Variants in BCO1 observed in about 807,000 individuals in gnomAD.
BCO1 encodes the protein beta-carotene oxygenase 1.
Under a neutral mutation model 56.3 loss-of-function variants are expected in BCO1, and 54 were observed. The ratio of observed to expected loss-of-function variants is 0.96; its 90% confidence interval spans 0.77 to 1.20. BCO1 has a LOEUF of 1.20. Among genes scored for constraint, BCO1 ranks in the 50% most tolerant of loss-of-function variants. BCO1 has a pLI of 0.00. For missense variants in BCO1, 801 were observed against 690.9 expected (o/e 1.16, Z -1.79); for synonymous variants, 318 against 266.1 (o/e 1.20, Z -1.90).
intron 4 of BCO1, chr16:81,263,908 C>G (rs991555191): frequency 2.0e-5 from 3 of 152,780 alleles, no homozygotes; most frequent in Non-Finnish European, 2.9e-5. Flanking sequence ...TAGACGGCAT[C>G]GGTCCAACTG....
chr16:81,262,070 C>G, intron 3 of BCO1, 66 bp from the exon 4 acceptor site: 1 of 1,573,820 alleles, frequency 6.4e-7, no homozygotes, highest in Non-Finnish European at 8.7e-7. Context: ...CTAAAGCCAT[C>G]AAGGATAGAC....
Position 81,270,249 on chromosome 16 carries a change from G to A in BCO1, c.934G>A (p.Ala312Thr), listed in dbSNP as rs770074943. The change falls in exon 7 of 11, where the codon GCC (alanine) becomes ACC (threonine). Residue 312 changes from alanine to threonine, a missense_variant. Physicochemically the swap from Ala to Thr is moderately conservative, Grantham distance 58. Transcript: ENST00000258168. ...DAMVVFHHVN[A>T]YEEDGCIVFD... ...CATGGTGGTCTTCCATCACGTCAAC[G>A]CCTACGAAGAGGACGGCTGCATCGT... 5 of 1,614,022 alleles carry A rather than the reference G, an allele frequency of 3.1e-6. No homozygotes were observed. Among genetic ancestry groups the A allele is most frequent in the Non-Finnish European group, 3.4e-6 (4 of 1,180,040 alleles).
intron 2 of BCO1, among the ~76,000 whole-genome samples, chr16:81,247,791 G>T (rs1905512827): frequency 6.6e-6 from 1 of 151,992 alleles, no homozygotes; most frequent in African/African-American, 2.4e-5. Flanking sequence ...CTCCCAAAGT[G>T]CTGGGGTTAC....
At chr16:81,287,488 GACC>G in intron 10 of BCO1, 82 bp downstream of exon 10, 1 of 1,087,514 alleles carries the variant, frequency 9.2e-7, no homozygotes, top group Non-Finnish European at 1.4e-6. Context: ...GGGGGCAGCT[GACC>G]CCCCCAGGTC....
intron 2 of BCO1, among the ~76,000 whole-genome samples, chr16:81,250,578 CTT>C (rs530676028): frequency 4.4e-4 from 46 of 105,462 alleles, no homozygotes; most frequent in African/African-American, 1.0e-3. Context: ...CTCAATAAAG[CTT>C]TTTTTTTTTT....
At chr16:81,284,842 T>A (rs1908084970) in intron 8 of BCO1, among the ~76,000 whole-genome samples, 1 of 149,958 alleles carries the variant, frequency 6.7e-6, no homozygotes, top group Non-Finnish European at 1.5e-5. Flanking sequence ...TTCTTTTCTT[T>A]TTTTTTTTTT....
At chr16:81,280,343 AC>A (rs1313816482) in intron 7 of BCO1, among the ~76,000 whole-genome samples, 2 of 147,590 alleles carry the variant, frequency 1.4e-5, no homozygotes, top group Non-Finnish European at 3.0e-5. Context: ...ACACACACAC[AC>A]ACACACATTT....
chr16:81,270,164 T>C lies in BCO1; in HGVS notation c.849T>C (p.Tyr283=), dbSNP rs1463295028. 2 of 1,614,146 alleles carry C rather than the reference T, an allele frequency of 1.2e-6. No individual in the cohort carries two copies. Among genetic ancestry groups the C allele is most frequent in the Non-Finnish European group, 1.7e-6 (2 of 1,180,032 alleles). ...TGATATGTGTCCTTTTTCAGACTTA[T>C]ATCCACATCATCGACCAAAGGACCA... ...CLAFHREEKT[Y]IHIIDQRTRQ... is the part of the protein sequence containing the mutation. Residue 283 remains tyrosine (Y), a synonymous_variant, in exon 7 of 11, where the codon TAT becomes TAC. Coordinates refer to ENST00000258168, the MANE Select transcript of BCO1 (RefSeq NM_017429.3).
chr16:81,263,085 G>C (rs978368258), intron 4 of BCO1: 4 of 150,814 alleles, frequency 2.7e-5, no homozygotes, highest in African/African-American at 9.8e-5. Flanking sequence ...CTCCTTATGG[G>C]GCTATGTGTC....
chr16:81,248,705 C>A (rs547032787), intron 2 of BCO1, among the ~76,000 whole-genome samples: 1 of 152,032 alleles, frequency 6.6e-6, no homozygotes, highest in Non-Finnish European at 1.5e-5. Context: ...GGATGAGGAA[C>A]ATAGAAGGTA....
chr16:81,268,185 GC>G, intron 6 of BCO1, 54 bp downstream of exon 6: 2 of 1,525,094 alleles, frequency 1.3e-6, no homozygotes, highest in Non-Finnish European at 1.8e-6. Context: ...ATGGAGGGAG[GC>G]TGGTGTGCAG....
At position 81,281,782 on chromosome 16, in the gene BCO1, G is replaced by A. The variant is rs538183165; in HGVS notation, c.1207+820G>A. On this transcript the variant is annotated intron_variant, in intron 8 of 10. Coordinates refer to ENST00000258168, the MANE Select transcript of BCO1 (RefSeq NM_017429.3). ...GGTGCTGTCCAGGGAATTGTAAGAT[G>A]TTTAGCCACATCCCTGGCCTCTACC... is the stretch of plus-strand genomic sequence containing the variant. 1.1e-4 allele frequency among the ~76,000 whole-genome samples: 16 copies of A among 152,312 alleles called. No individual in the cohort carries two copies. In the South Asian group the frequency reaches 1.9e-3, roughly 18 times the overall value.
intron 2 of BCO1, among the ~76,000 whole-genome samples, chr16:81,254,481 T>G (rs538806867): frequency 6.2e-4 from 94 of 151,296 alleles, no homozygotes; most frequent in African/African-American, 2.1e-3. Flanking sequence ...AAGGGCTTCC[T>G]ACATTGCCCA....
At chr16:81,250,506 G>T (rs139635900) in intron 2 of BCO1, among the ~76,000 whole-genome samples, 12 of 151,982 alleles carry the variant, frequency 7.9e-5, no homozygotes, top group Middle Eastern at 3.4e-3. Flanking sequence ...GGGAAGTTGG[G>T]GTCCCTGATA....
rs920475663 is a variant in BCO1 at position 81,270,300 on chromosome 16, A to C, written c.985A>C (p.Asn329His). ...GTTTGACGTCATTGCCTACGAGGAC[A>C]ACAGCCTCTACCAGCTCTTCTACCT... ...IVFDVIAYED[N>H]SLYQLFYLAN... Residue 329 changes from asparagine to histidine, a missense_variant, in exon 7 of 11, where the codon AAC (asparagine) becomes CAC (histidine). Physicochemically the swap from Asn to His is moderately conservative, Grantham distance 68. Transcript: ENST00000258168. 11 of 1,614,042 alleles carry C rather than the reference A, an allele frequency of 6.8e-6. No individual in the cohort carries two copies. The African/African-American group carries it at 1.3e-4, about 20-fold the overall frequency.
chr16:81,266,845 T>A (rs575882350), intron 5 of BCO1, among the ~76,000 whole-genome samples: 1 of 152,200 alleles, frequency 6.6e-6, no homozygotes, highest in Non-Finnish European at 1.5e-5. Flanking sequence ...GCTTTTCGTT[T>A]CAGTTTGCAT....
At chr16:81,242,896 G>A (rs1396099457) in intron 1 of BCO1, among the ~76,000 whole-genome samples, 1 of 152,092 alleles carries the variant, frequency 6.6e-6, no homozygotes, top group Non-Finnish European at 1.5e-5. Flanking sequence ...GTCGTGAACT[G>A]CACATAGGAG....
chr16:81,255,143 C>T (rs1446028713), intron 2 of BCO1, among the ~76,000 whole-genome samples: 3 of 152,184 alleles, frequency 2.0e-5, no homozygotes, highest in Non-Finnish European at 4.4e-5. Flanking sequence ...TGTGAAACCT[C>T]AGCAGGCTGG....
At chr16:81,287,023 C>T (rs1908220892) in intron 9 of BCO1, among the ~76,000 whole-genome samples, 1 of 151,922 alleles carries the variant, frequency 6.6e-6, no homozygotes, top group Non-Finnish European at 1.5e-5. Flanking sequence ...TGCAGTGAGC[C>T]AAGATCACGC....
Sources: allele counts gnomAD v4.1 joint callset (sites outside exome capture counted in the v4.1 genomes callset), GRCh38; gene constraint gnomAD v4.1.1; transcripts MANE v1.5; gene names NCBI Gene and HGNC (gene_info 2026-07-23, HGNC 2026-07-21).